Variants in L3MBTL4 observed in about 807,000 individuals in gnomAD.
L3MBTL4 encodes the protein L3MBTL histone methyl-lysine binding protein 4.
In L3MBTL4, 70 loss-of-function variants were observed where a neutral mutation model predicts 84.5. The ratio of observed to expected loss-of-function variants is 0.83; its 90% CI spans 0.68 to 1.01. The LOEUF (loss-of-function observed/expected upper bound fraction) is 1.01, where lower values mean the gene tolerates loss of function less well. Ranked by LOEUF, L3MBTL4 falls within the 50% of genes least tolerant of loss-of-function variation. L3MBTL4 has a pLI of 0.00. For missense variants in L3MBTL4, 715 were observed against 754.8 expected, an observed-to-expected ratio of 0.95 and a Z score of 0.62; for synonymous variants, 274 against 259.8, an observed-to-expected ratio of 1.05 and a Z score of -0.52.
chr18:6,030,565 G>A (rs542127322), intron 16 of L3MBTL4: 44 of 787,752 alleles, frequency 5.6e-5, no homozygotes, highest in Non-Finnish European at 6.5e-5. Context: ...ACAGTGGCAC[G>A]ATCTCAGCTC....
chr18:6,152,058 ATTTC>A (rs1468403800), intron 13 of L3MBTL4, among the ~76,000 whole-genome samples: 1 of 152,132 alleles, frequency 6.6e-6, no homozygotes, highest in East Asian at 1.9e-4. Flanking sequence ...AAATGACAGG[ATTTC>A]TTTCTTTTTA....
intron 4 of L3MBTL4, among the ~76,000 whole-genome samples, chr18:6,266,002 C>T (rs557402409): frequency 3.3e-5 from 5 of 152,066 alleles, no homozygotes; most frequent in South Asian, 4.1e-4. Context: ...TGTGAGGTGA[C>T]GGATATGTTA....
At position 6,327,679 on chromosome 18, in the gene L3MBTL4, C is replaced by G. The variant is rs969837702; in HGVS notation, c.-90-15623G>C. Among the ~76,000 whole-genome samples, 22 of 152,154 alleles carry G rather than the reference C, an allele frequency of 1.4e-4. 1 individual carries two copies. Among genetic ancestry groups the G allele is most frequent in the Non-Finnish European group, 1.2e-4 (8 of 68,030 alleles). On this transcript the variant is annotated intron_variant, in intron 1 of 18. Transcript: ENST00000317931. The stretch of plus-strand genomic sequence containing the variant: ...GGACAGGAGACTTCAAGTGTAATTG[C>G]AATGCTTCACTTCTTTCAAAAAGCA...
At chr18:6,094,494 T>A (rs1480567838) in intron 14 of L3MBTL4, among the ~76,000 whole-genome samples, 1 of 152,134 alleles carries the variant, frequency 6.6e-6, no homozygotes, top group Admixed American at 6.5e-5. Context: ...AAATGGTAGC[T>A]GTTATTGCCA....
At chr18:6,295,344 C>CTATATATATATATA (rs1491551062) in intron 4 of L3MBTL4, among the ~76,000 whole-genome samples, 3 of 105,368 alleles carry the variant, frequency 2.8e-5, no homozygotes, top group East Asian at 2.7e-4. Flanking sequence ...CTCTCTCTCT[C>CTATATATATATATA]TCTATATATA....
intron 5 of L3MBTL4, among the ~76,000 whole-genome samples, chr18:6,258,140 C>T (rs1309371790): frequency 1.3e-5 from 2 of 152,122 alleles, no homozygotes. Flanking sequence ...TGATGGTCTG[C>T]AGGGGGCAGT....
chr18:6,298,224 A>T (rs1173588363), intron 4 of L3MBTL4, among the ~76,000 whole-genome samples: 1 of 152,196 alleles, frequency 6.6e-6, no homozygotes, highest in Non-Finnish European at 1.5e-5. Flanking sequence ...TTAATTTGGT[A>T]AGTTAAAAAA....
At chr18:6,368,624 C>T (rs2054029851) in intron 1 of L3MBTL4, among the ~76,000 whole-genome samples, 1 of 152,142 alleles carries the variant, frequency 6.6e-6, no homozygotes, top group Admixed American at 6.5e-5. Flanking sequence ...CAAAAAGTCA[C>T]AGGAAAGTAG....
intron 1 of L3MBTL4, among the ~76,000 whole-genome samples, chr18:6,402,337 T>A (rs1280058794): frequency 1.3e-5 from 2 of 152,244 alleles, no homozygotes; most frequent in Non-Finnish European, 2.9e-5. Context: ...AGTTCCTAAG[T>A]ACGCTTACAA....
At chr18:6,099,607 T>TATATATATATATATATATA (rs201566898) in intron 14 of L3MBTL4, among the ~76,000 whole-genome samples, 11 of 122,838 alleles carry the variant, frequency 9.0e-5, no homozygotes, top group Admixed American at 4.3e-4. Context: ...TATATATATA[T>TATATATATATATATATATA]GGAGAGAGAG....
intron 17 of L3MBTL4, among the ~76,000 whole-genome samples, chr18:5,961,056 T>G (rs531903692): frequency 6.6e-6 from 1 of 152,248 alleles, no homozygotes; most frequent in Non-Finnish European, 1.5e-5. Context: ...AGTGCAACAG[T>G]AAATGTAATC....
chr18:6,318,385 A>G (rs2051217498), intron 1 of L3MBTL4, among the ~76,000 whole-genome samples: 1 of 151,620 alleles, frequency 6.6e-6, no homozygotes, highest in Non-Finnish European at 1.5e-5. Context: ...AGATTCATAT[A>G]AATTCAAGGT....
At chr18:6,388,688 T>C (rs960641799) in intron 1 of L3MBTL4, among the ~76,000 whole-genome samples, 1 of 152,216 alleles carries the variant, frequency 6.6e-6, no homozygotes, top group Non-Finnish European at 1.5e-5. Flanking sequence ...ATTTGTGTAA[T>C]TAACAAAACA....
chr18:6,027,263 C>T (rs543750656), intron 16 of L3MBTL4, among the ~76,000 whole-genome samples: 2 of 152,252 alleles, frequency 1.3e-5, no homozygotes, highest in South Asian at 4.2e-4. Flanking sequence ...TCAACTCCCA[C>T]CTATGAGTGA....
chr18:6,102,768 T>C (rs988634386), intron 14 of L3MBTL4, among the ~76,000 whole-genome samples: 3 of 152,278 alleles, frequency 2.0e-5, no homozygotes, highest in Non-Finnish European at 4.4e-5. Flanking sequence ...ATTTCATTAA[T>C]GTCTGCTCAA....
Position 6,072,876 on chromosome 18 carries a change from AAAAAAATATATATATATATATATATAT to A in L3MBTL4, c.1444+7978_1444+8004del, listed in dbSNP as rs1480149792. ...GAGAGACTCCGTCTCAAAAAAAAAA[AAAAAAATATATATATATATATATATAT>A]ATATATATATATATATATATATACA... On this transcript the variant is annotated intron_variant, in intron 16 of 18. Coordinates refer to ENST00000317931, the MANE Select transcript of L3MBTL4 (RefSeq NM_001330559.2). 3.1e-4 allele frequency among the ~76,000 whole-genome samples: 13 copies of A among 41,442 alleles called. No homozygotes were observed. The East Asian group carries it at 3.2e-3, about 10-fold the overall frequency. 27.2% of individuals were successfully genotyped at this position (41,442 alleles called of 152,430 possible). A position where few individuals can be genotyped will look rare whatever the true frequency, so the allele number is the denominator to read the frequency against.
chr18:6,336,680 T>C (rs534466692), intron 1 of L3MBTL4, among the ~76,000 whole-genome samples: 31 of 152,300 alleles, frequency 2.0e-4, no homozygotes, highest in African/African-American at 7.0e-4. Context: ...TCCCCCAAAT[T>C]CATCTGCCTT....
chr18:6,345,853 CA>C (rs1164842116), intron 1 of L3MBTL4, among the ~76,000 whole-genome samples: 1 of 151,720 alleles, frequency 6.6e-6, no homozygotes, highest in Non-Finnish European at 1.5e-5. Context: ...CACAAAAGAC[CA>C]CTAATAGCCA....
intron 1 of L3MBTL4, among the ~76,000 whole-genome samples, chr18:6,348,422 A>C (rs343242): frequency 0.28 from 41,814 of 151,994 alleles, 7,557 homozygotes; most frequent in African/African-American, 0.52. Flanking sequence ...ACAGGCACCA[A>C]TGAAACAGAT....
Sources: gnomAD v4.1 joint callset for allele counts (sites outside exome capture counted in the v4.1 genomes callset) on GRCh38, gnomAD v4.1.1 for gene constraint, MANE v1.5 for transcripts, NCBI Gene and HGNC (gene_info 2026-07-23, HGNC 2026-07-21) for gene names.